The following TBC1D8B variants were observed in gnomAD, a reference collection of about 807,000 sequenced individuals.
TBC1D8B encodes the protein RP11-321G1.1.
In TBC1D8B, 75 loss-of-function variants were observed where a neutral mutation model predicts 82.9. The ratio of observed to expected loss-of-function variants is 0.90; its 90% CI spans 0.75 to 1.10. TBC1D8B has a LOEUF of 1.10. TBC1D8B is among the 50% of genes least tolerant of loss of function. The probability of loss-of-function intolerance (pLI) is 0.00; values close to 1 mark genes in which losing one functional copy is unlikely to be tolerated. For missense variants in TBC1D8B, 794 were observed against 796.9 expected, an observed-to-expected ratio of 1.00 and a Z score of 0.04; for synonymous variants, 276 against 276.8, an observed-to-expected ratio of 1.00 and a Z score of 0.03.
At chrX:106,855,385 C>T (rs1348231481) in intron 14 of TBC1D8B, among the ~76,000 whole-genome samples, 2 of 112,242 alleles carry the variant, frequency 1.8e-5, no homozygotes, top group African/African-American at 6.5e-5. Context: ...CCAGAAGTAA[C>T]CATCTTAAAA....
At position 106,848,240 on chromosome X, in the gene TBC1D8B, T is replaced by C; in HGVS notation, c.1774T>C (p.Phe592Leu). 1 of 1,198,091 alleles carries C rather than the reference T, an allele frequency of 8.3e-7. No individual in the cohort carries two copies. Among genetic ancestry groups the C allele is most frequent in the Non-Finnish European group, 1.1e-6 (1 of 886,842 alleles). The change falls in exon 11 of 21, where the codon TTT becomes CTT. Residue 592 changes from phenylalanine to leucine, a missense_variant. By Grantham distance (22) the Phe-to-Leu change is conservative (BLOSUM62 0). Transcript: ENST00000357242. Reference sequence around the variant, plus strand: ...TCTATATGCAAAAGAGGAAGAAGCTTTTTGGCTTCTGGTTGCTGTATGTGA... The same window carrying C: ...TCTATATGCAAAAGAGGAAGAAGCTCTTTGGCTTCTGGTTGCTGTATGTGA... ...LLLYAKEEEAFWLLVAVCERM... is the reference protein window; with the variant it reads ...LLLYAKEEEALWLLVAVCERM...
Position 106,873,922 on chromosome X carries a change from A to G in TBC1D8B, c.3320A>G (p.Glu1107Gly). 8.3e-7 allele frequency: 1 copy of G among 1,203,145 alleles called. No individual in the cohort carries two copies. ...EKPIDVKAKL[E>G]NARISQLRSR... is the part of the protein sequence containing the mutation. ...CCCATAGATGTAAAAGCCAAGCTGG[A>G]AAATGCAAGAATTTCTCAGTTAAGG... Residue 1107 changes from glutamate (E) to glycine (G), a missense_variant, in exon 21 of 21, where the codon GAA (glutamate) becomes GGA (glycine). Coordinates refer to ENST00000357242, the MANE Select transcript of TBC1D8B (RefSeq NM_017752.3).
At chrX:106,843,353 AT>A (rs1224289196) in intron 10 of TBC1D8B, among the ~76,000 whole-genome samples, 1 of 110,982 alleles carries the variant, frequency 9.0e-6, no homozygotes, top group Non-Finnish European at 1.9e-5. Flanking sequence ...ATTTTATTTT[AT>A]TTTTTTACCA....
chrX:106,822,798 G>C (rs2147733183), intron 4 of TBC1D8B, among the ~76,000 whole-genome samples: 1 of 101,412 alleles, frequency 9.9e-6, no homozygotes, highest in South Asian at 4.6e-4. Context: ...AGGAGTTCAA[G>C]ACGAACCTGA....
chrX:106,851,656 C>T (rs1046482089), intron 12 of TBC1D8B, among the ~76,000 whole-genome samples: 3 of 109,155 alleles, frequency 2.7e-5, no homozygotes, highest in African/African-American at 6.7e-5. Context: ...TGAGTGAGAA[C>T]ATGCGATGTT....
At chrX:106,868,956 G>T (rs1474757977) in intron 18 of TBC1D8B, among the ~76,000 whole-genome samples, 3 of 111,652 alleles carry the variant, frequency 2.7e-5, no homozygotes, top group Non-Finnish European at 5.6e-5. Flanking sequence ...ATAGAGGGAT[G>T]AACCCTGATT....
intron 7 of TBC1D8B, among the ~76,000 whole-genome samples, chrX:106,832,805 G>T (rs1265683203): frequency 1.8e-5 from 2 of 111,064 alleles, no homozygotes; most frequent in Non-Finnish European, 3.8e-5. Context: ...AGAAGTAATG[G>T]GTTTCCTACA....
At position 106,867,960 on chromosome X, in the gene TBC1D8B, A is replaced by G. The variant is rs770308010; in HGVS notation, c.2729-433A>G. 1.2e-4 allele frequency among the ~76,000 whole-genome samples: 13 copies of G among 111,563 alleles called. No homozygotes were observed. In the East Asian group the frequency reaches 2.8e-3, roughly 24 times the overall value. On this transcript the variant is annotated intron_variant, in intron 17 of 20. Coordinates refer to ENST00000357242, the MANE Select transcript of TBC1D8B (RefSeq NM_017752.3). ...TTTAACAGAGGGATAAAAAAATAGG[A>G]AAAACATTATGTACCTGTTAAAGCA...
chrX:106,833,668 A>T (rs1004757054), intron 7 of TBC1D8B, among the ~76,000 whole-genome samples: 1 of 111,683 alleles, frequency 9.0e-6, no homozygotes, highest in Non-Finnish European at 1.9e-5. Context: ...TGACTTTATG[A>T]ATACTTAAGA....
intron 1 of TBC1D8B, among the ~76,000 whole-genome samples, chrX:106,803,882 G>A (rs889174562): frequency 8.0e-5 from 9 of 111,870 alleles, no homozygotes; most frequent in Non-Finnish European, 1.7e-4. Context: ...CTCTAATTTG[G>A]TATTGTGACC....
At chrX:106,845,419 A>G (rs933394821) in intron 10 of TBC1D8B, among the ~76,000 whole-genome samples, 10 of 106,089 alleles carry the variant, frequency 9.4e-5, no homozygotes, top group Admixed American at 4.1e-4. Flanking sequence ...ATTTAGCATT[A>G]GGTATATCTC....
intron 14 of TBC1D8B, among the ~76,000 whole-genome samples, chrX:106,857,493 G>A (rs1409698012): frequency 2.7e-5 from 3 of 111,309 alleles, no homozygotes; most frequent in African/African-American, 6.5e-5. Flanking sequence ...ACAGGGTTTC[G>A]TGTACAGATT....
intron 1 of TBC1D8B, among the ~76,000 whole-genome samples, chrX:106,816,137 G>A (rs1224943057): frequency 2.7e-5 from 3 of 111,378 alleles, no homozygotes; most frequent in African/African-American, 6.5e-5. Context: ...GTTTGCAGAC[G>A]ACATGATTGT....
At chrX:106,847,658 G>C (rs1020025694) in intron 10 of TBC1D8B, among the ~76,000 whole-genome samples, 1 of 111,387 alleles carries the variant, frequency 9.0e-6, no homozygotes, top group African/African-American at 3.3e-5. Context: ...GAAACTCTAG[G>C]ATATGAAACA....
chrX:106,853,896 A>G (rs1466210767), intron 13 of TBC1D8B, among the ~76,000 whole-genome samples: 1 of 112,015 alleles, frequency 8.9e-6, no homozygotes, highest in Non-Finnish European at 1.9e-5. Flanking sequence ...CACTTTAAAC[A>G]TCTATCACTG....
At chrX:106,835,454 G>A (rs747668809) in intron 7 of TBC1D8B, among the ~76,000 whole-genome samples, 1 of 112,243 alleles carries the variant, frequency 8.9e-6, no homozygotes, top group African/African-American at 3.2e-5. Flanking sequence ...AGGGGCTGAC[G>A]TGAAGATCTC....
intron 1 of TBC1D8B, among the ~76,000 whole-genome samples, chrX:106,810,800 G>T (rs1389903522): frequency 9.0e-6 from 1 of 111,441 alleles, no homozygotes; most frequent in Admixed American, 9.5e-5. Context: ...GAACATCTTG[G>T]TCCCTGTGAA....
At chrX:106,826,365 A>G in intron 6 of TBC1D8B, 128 bp downstream of exon 6, 1 of 543,149 alleles carries the variant, frequency 1.8e-6, no homozygotes, top group Non-Finnish European at 2.9e-6. Flanking sequence ...ATTTAAAATA[A>G]TTATTCTTCA....
intron 7 of TBC1D8B, 85 bp from the exon 8 acceptor site, chrX:106,839,223 T>C (rs1932244386): frequency 2.1e-6 from 2 of 972,932 alleles, no homozygotes; most frequent in African/African-American, 1.9e-5. Flanking sequence ...GATTGTGGCT[T>C]ATAAATAACA....
Sources: allele counts gnomAD v4.1 joint callset (sites outside exome capture counted in the v4.1 genomes callset), GRCh38; gene constraint gnomAD v4.1.1; transcripts MANE v1.5; gene names NCBI Gene and HGNC (gene_info 2026-07-23, HGNC 2026-07-21).